The following CA1 variants were observed in gnomAD, a reference collection of about 807,000 sequenced individuals.
The protein encoded by CA1 is carbonate dehydratase I.
A neutral mutation model predicts 28.8 loss-of-function variants in CA1; 27 were observed. The observed-to-expected ratio is 0.94, with a 90% CI of 0.69 to 1.29. CA1 has a LOEUF of 1.29. Among genes scored for constraint, CA1 ranks in the 50% most tolerant of loss-of-function variants. The probability of loss-of-function intolerance (pLI) is 0.00; values close to 1 mark genes in which losing one functional copy is unlikely to be tolerated. For synonymous variants in CA1, 121 were observed against 108.8 expected, an observed-to-expected ratio of 1.11 and a Z score of -0.70; for missense variants, 335 against 310.5, an observed-to-expected ratio of 1.08 and a Z score of -0.59.
chr8:85,367,034 C>T (rs1810033546), intron 1 of CA1, among the ~76,000 whole-genome samples: 1 of 151,824 alleles, frequency 6.6e-6, no homozygotes, highest in Admixed American at 6.6e-5. Context: ...TTCTTAACCT[C>T]ATATTTAAAA....
intron 1 of CA1, among the ~76,000 whole-genome samples, chr8:85,366,661 G>A (rs375014317): frequency 5.3e-5 from 8 of 152,298 alleles, no homozygotes; most frequent in East Asian, 1.9e-4. Context: ...AAATAAATGT[G>A]CAAGGATGCT....
At chr8:85,344,705 T>G (rs1188894179) in intron 1 of CA1, among the ~76,000 whole-genome samples, 2 of 152,018 alleles carry the variant, frequency 1.3e-5, no homozygotes, top group Non-Finnish European at 2.9e-5. Context: ...GAACAAAAAG[T>G]GAAAAAGAGT....
chr8:85,338,249 C>T lies in CA1; in HGVS notation c.235+3G>A, dbSNP rs1229708364. ...AAAATATCAGAAGGGTCTTTCAGCT[C>T]ACCTGATCGGTTATCGTTGTCCTCA... On this transcript the variant is annotated splice_donor_region_variant and intron_variant, in intron 3 of 7. Coordinates refer to ENST00000523022, the MANE Select transcript of CA1 (RefSeq NM_001128831.4). The T allele has an allele frequency of 1.9e-6, 3 of 1,611,508 alleles. No individual in the cohort carries two copies. The highest frequency in any genetic ancestry group is 1.7e-5 in the Admixed American group (1 of 60,012).
rs1808317547 is a variant in CA1 at position 85,329,700 on chromosome 8, T to C, written c.658A>G (p.Ser220Gly). Residue 220 changes from serine to glycine, a missense_variant, in exon 7 of 8, where the codon AGC becomes GGC. Ser to Gly is a moderately conservative substitution (Grantham distance 56, BLOSUM62 0). Transcript: ENST00000523022. The part of the protein sequence containing the change: ...WIICKESISV[S>G]SEQLAQFRSL... ...ATTCACAACTCTACCTGCTCTGAGCTGACACTGATGCTCTCCTTACAGATG... is the reference window on the plus strand; with the variant it reads ...ATTCACAACTCTACCTGCTCTGAGCCGACACTGATGCTCTCCTTACAGATG... 6.2e-7 allele frequency: 1 copy of C among 1,610,976 alleles called. No homozygotes were observed. The highest frequency in any genetic ancestry group is 8.5e-7 in the Non-Finnish European group (1 of 1,178,330).
chr8:85,339,565 A>T (rs1321512681), intron 2 of CA1, among the ~76,000 whole-genome samples: 1 of 152,208 alleles, frequency 6.6e-6, no homozygotes, highest in African/African-American at 2.4e-5. Flanking sequence ...CTCCAGTGAG[A>T]GGAAGAGTCA....
At chr8:85,342,361 A>G (rs1195140306) in intron 1 of CA1, among the ~76,000 whole-genome samples, 3 of 152,172 alleles carry the variant, frequency 2.0e-5, no homozygotes, top group Non-Finnish European at 4.4e-5. Context: ...TTTATAAACC[A>G]GTTTCTTATT....
chr8:85,373,063 T>C (rs1379325206), intron 1 of CA1, among the ~76,000 whole-genome samples: 2 of 152,220 alleles, frequency 1.3e-5, no homozygotes, highest in African/African-American at 4.8e-5. Context: ...AGTCATATAC[T>C]GAGGTTGCTA....
intron 1 of CA1, among the ~76,000 whole-genome samples, chr8:85,353,524 G>A (rs766496120): frequency 6.6e-6 from 1 of 151,942 alleles, no homozygotes; most frequent in Non-Finnish European, 1.5e-5. Context: ...TACTGTATAC[G>A]CTTTTTTTGT....
chr8:85,332,587 A>C (rs771614339), intron 5 of CA1, 35 bp from the exon 6 acceptor site: 1 of 1,490,014 alleles, frequency 6.7e-7, no homozygotes, highest in Non-Finnish European at 9.4e-7. Flanking sequence ...TGAGATAAAG[A>C]TTATTATCAA....
rs60539820 is a variant in CA1, at chr8:85,368,714, TA to T, written c.-25+9331del. ...TTTTTTTTGGAGAAAGAGAAACAGG[TA>T]AAAAAAAGAGAGAAAACTTTAGATA... On this transcript the variant is annotated intron_variant, in intron 1 of 7. Coordinates refer to ENST00000523022, the MANE Select transcript of CA1 (RefSeq NM_001128831.4). Among the ~76,000 whole-genome samples, 632 of 151,706 alleles carry T rather than the reference TA, an allele frequency of 4.2e-3. 2 individuals carry two copies. The highest frequency in any genetic ancestry group is 0.014 in the African/African-American group (576 of 41,356).
chr8:85,340,707 G>A (rs1192073030), intron 2 of CA1, among the ~76,000 whole-genome samples: 1 of 152,160 alleles, frequency 6.6e-6, no homozygotes, highest in Non-Finnish European at 1.5e-5. Context: ...CATGGGAGAA[G>A]GTCAAGTTAT....
At chr8:85,376,697 A>G (rs1810432350) in intron 1 of CA1, among the ~76,000 whole-genome samples, 1 of 151,496 alleles carries the variant, frequency 6.6e-6, no homozygotes, top group African/African-American at 2.4e-5. Context: ...AAATAAATAA[A>G]TAAATAAATA....
chr8:85,368,839 G>A (rs757533304), intron 1 of CA1, among the ~76,000 whole-genome samples: 23 of 152,106 alleles, frequency 1.5e-4, no homozygotes, highest in Non-Finnish European at 2.6e-4. Flanking sequence ...TCACTGTCAC[G>A]TCAATCTTGT....
intron 6 of CA1, 122 bp from the exon 7 acceptor site, chr8:85,329,966 T>C: frequency 1.2e-6 from 1 of 822,612 alleles, no homozygotes; most frequent in Middle Eastern, 3.6e-4. Context: ...GAGTCATTGA[T>C]TTTTCTACTA....
chr8:85,334,763 C>T (rs544096549), intron 4 of CA1, among the ~76,000 whole-genome samples: 27 of 152,164 alleles, frequency 1.8e-4, no homozygotes, highest in Non-Finnish European at 2.4e-4. Context: ...GAGGCCGAGG[C>T]GGGCGGATCA....
intron 1 of CA1, among the ~76,000 whole-genome samples, chr8:85,369,277 T>G (rs1469627273): frequency 6.6e-6 from 1 of 152,154 alleles, no homozygotes; most frequent in African/African-American, 2.4e-5. Flanking sequence ...TACCCCCTTA[T>G]TTATATCAGA....
chr8:85,362,813 A>G (rs1172972574), intron 1 of CA1, among the ~76,000 whole-genome samples: 2 of 152,220 alleles, frequency 1.3e-5, no homozygotes, highest in South Asian at 2.1e-4. Flanking sequence ...TATTGATTCT[A>G]TTGAAATTTT....
At chr8:85,340,497 T>C (rs910406950) in intron 2 of CA1, among the ~76,000 whole-genome samples, 3 of 152,216 alleles carry the variant, frequency 2.0e-5, no homozygotes, top group Non-Finnish European at 2.9e-5. Flanking sequence ...GAGATTGATG[T>C]TATGCTTATG....
chr8:85,332,733 T>C (rs1403291101), intron 5 of CA1, among the ~76,000 whole-genome samples, 181 bp from the exon 6 acceptor site: 1 of 152,168 alleles, frequency 6.6e-6, no homozygotes, highest in East Asian at 1.9e-4. Context: ...CTATAAATTG[T>C]TTATAATATG....
Sources: allele counts gnomAD v4.1 joint callset (sites outside exome capture counted in the v4.1 genomes callset), GRCh38; gene constraint gnomAD v4.1.1; transcripts MANE v1.5; gene names NCBI Gene and HGNC (gene_info 2026-07-23, HGNC 2026-07-21).